The following MLXIP variants were observed in gnomAD, a reference collection of about 807,000 sequenced individuals.
The protein encoded by MLXIP is MLX interacting protein, also known as MLX-interacting protein.
A neutral mutation model predicts 87.2 loss-of-function variants in MLXIP; 30 were observed. That is an observed-to-expected ratio of 0.34 (90% CI 0.26 to 0.47). The LOEUF (loss-of-function observed/expected upper bound fraction) is 0.47, where lower values mean the gene tolerates loss of function less well. Among genes scored for constraint, MLXIP ranks in the 20% least tolerant of loss-of-function variants. The pLI, the probability that MLXIP is intolerant of heterozygous loss-of-function variation, is 1.00. For missense variants in MLXIP, 1,002 were observed against 1,240.1 expected, an observed-to-expected ratio of 0.81 and a Z score of 2.88; for synonymous variants, 530 against 514.0, an observed-to-expected ratio of 1.03 and a Z score of -0.42.
At chr12:122,086,433 A>G (rs147680859) in intron 1 of MLXIP, among the ~76,000 whole-genome samples, 88 of 152,236 alleles carry the variant, frequency 5.8e-4, no homozygotes, top group Non-Finnish European at 1.1e-3. Flanking sequence ...AGGTCTGTAA[A>G]GTGGATCCTT....
At position 122,141,881 on chromosome 12, in the gene MLXIP, GC is replaced by G. The variant is rs1565992705; in HGVS notation, c.*75del. 4 of 1,579,944 alleles carry G rather than the reference GC, an allele frequency of 2.5e-6. No homozygotes were observed. Among genetic ancestry groups the G allele is most frequent in the Admixed American group, 1.7e-5 (1 of 57,704 alleles). ...TCCCTGCCCATGGAGAGTAGGCTGC[GC>G]CCCCCAGCCCTTCCTGACGCTCAGC... On this transcript the variant is annotated 3_prime_UTR_variant, in exon 17 of 17. Coordinates refer to ENST00000319080, the MANE Select transcript of MLXIP (RefSeq NM_014938.6).
At chr12:122,138,761 G>T in intron 14 of MLXIP, 54 bp from the exon 15 acceptor site, 3 of 1,596,506 alleles carry the variant, frequency 1.9e-6, no homozygotes, top group Non-Finnish European at 2.6e-6. Context: ...TTTGTCCCAG[G>T]GTCCTTATTG....
chr12:122,083,549 G>A (rs1025356400), intron 1 of MLXIP, among the ~76,000 whole-genome samples: 1 of 152,074 alleles, frequency 6.6e-6, no homozygotes, highest in African/African-American at 2.4e-5. Context: ...CAAGTAGCAA[G>A]GATTACAGGC....
chr12:122,129,333 C>G (rs980377074), intron 4 of MLXIP, 107 bp downstream of exon 4: 12 of 1,060,134 alleles, frequency 1.1e-5, no homozygotes, highest in Non-Finnish European at 1.7e-5. Context: ...CCCACCTGAA[C>G]GTGGAGCGTC....
rs371247640 is a variant in MLXIP, at chr12:122,135,683, C to T, written c.2032+17C>T. 3.0e-4 allele frequency: 441 copies of T among 1,470,486 alleles called. 1 individual carries two copies. In the African/African-American group the frequency reaches 5.2e-3, roughly 17 times the overall value. 91.1% of individuals were successfully genotyped at this position (1,470,486 alleles called of 1,614,324 possible). A position where few individuals can be genotyped will look rare whatever the true frequency, so the allele number is the denominator to read the frequency against. On this transcript the variant is annotated intron_variant, in intron 11 of 16. Transcript: ENST00000319080. The surrounding 1 kb of genome is among the most constrained non-coding windows in gnomAD (Gnocchi z 5.3). ...CAGGGCCCAGTGAGTGTTCACTCGG[C>T]GGGATGGTTGGGGCATCGCAAGGGA...
chr12:122,111,023 G>A (rs2135941996), intron 1 of MLXIP, among the ~76,000 whole-genome samples: 1 of 147,946 alleles, frequency 6.8e-6, no homozygotes, highest in Non-Finnish European at 1.5e-5. Context: ...CTTGCAGTGA[G>A]CCGAGATGGC....
At position 122,129,968 on chromosome 12, in the gene MLXIP, C is replaced by A; in HGVS notation, c.766C>A (p.His256Asn). Residue 256 changes from histidine to asparagine, a missense_variant, in exon 6 of 17, where the codon CAC (histidine) becomes AAC (asparagine). Transcript: ENST00000319080. ...QDDDMLYWHK[H>N]GDGWKTPVPM... Reference sequence around the variant, plus strand: ...CGATGACATGCTGTATTGGCACAAGCACGGGGATGGATGGAAGACCCCCGT... The same window carrying A: ...CGATGACATGCTGTATTGGCACAAGAACGGGGATGGATGGAAGACCCCCGT... 6.2e-7 allele frequency: 1 copy of A among 1,613,742 alleles called. No individual in the cohort carries two copies. The highest frequency in any genetic ancestry group is 8.5e-7 in the Non-Finnish European group (1 of 1,179,738).
chr12:122,093,522 G>A (rs1952283421), intron 1 of MLXIP, among the ~76,000 whole-genome samples: 2 of 137,380 alleles, frequency 1.5e-5, no homozygotes, highest in South Asian at 5.1e-4. Context: ...TGTGTGTGGA[G>A]GGTGTGTGTG....
At chr12:122,113,437 T>C (rs1952634631) in intron 1 of MLXIP, among the ~76,000 whole-genome samples, 1 of 151,878 alleles carries the variant, frequency 6.6e-6, no homozygotes, top group Admixed American at 6.6e-5. Context: ...CTGGCTAATT[T>C]TTGTATCTTT....
At position 122,133,470 on chromosome 12, in the gene MLXIP, T is replaced by C; in HGVS notation, c.1215T>C (p.Thr405=). 6.2e-7 allele frequency: 1 copy of C among 1,613,322 alleles called. No individual in the cohort carries two copies. The highest frequency in any genetic ancestry group is 1.1e-5 in the South Asian group (1 of 91,054). ...AGGGCTGTGAACACACCTCCCGGAC[T>C]GAGGACCCGTTTATCCAGCCCACGG... ...DEQGCEHTSR[T]EDPFIQPTDF... is the part of the protein sequence containing the mutation. Residue 405 remains threonine (T), a synonymous_variant, in exon 9 of 17, where the codon ACT becomes ACC. Transcript: ENST00000319080. This position sits in a 1 kb window ranked among gnomAD's most constrained non-coding sequence, Gnocchi z 4.9.
chr12:122,114,894 C>T lies in MLXIP; in HGVS notation c.414-12362C>T, dbSNP rs568174150. Among the ~76,000 whole-genome samples the T allele has an allele frequency of 9.9e-5, 15 of 151,982 alleles. No individual in the cohort carries two copies. In the South Asian group the frequency reaches 1.9e-3, roughly 19 times the overall value. The stretch of plus-strand genomic sequence containing the variant: ...CTGAGTAGCTGGGATTACAGGTATG[C>T]GCCACTACTGCCCGGTTAATTTTTT... On this transcript the variant is annotated intron_variant, in intron 1 of 16. Coordinates refer to ENST00000319080, the MANE Select transcript of MLXIP (RefSeq NM_014938.6).
At chr12:122,102,846 A>G (rs964600182) in intron 1 of MLXIP, among the ~76,000 whole-genome samples, 1 of 152,254 alleles carries the variant, frequency 6.6e-6, no homozygotes. Flanking sequence ...TATGTGAAAT[A>G]TGAAACGTCC....
intron 1 of MLXIP, among the ~76,000 whole-genome samples, chr12:122,098,691 G>T (rs537882570): frequency 1.3e-5 from 2 of 152,320 alleles, no homozygotes; most frequent in East Asian, 3.9e-4. Flanking sequence ...GTAGAAATTA[G>T]GAGGGAAGGG....
intron 1 of MLXIP, among the ~76,000 whole-genome samples, chr12:122,115,588 CAAAAAAA>C (rs35318582): frequency 9.0e-6 from 1 of 110,738 alleles, no homozygotes. Flanking sequence ...AACTCCTTCT[CAAAAAAA>C]AAAAAAAAAA....
In MLXIP at chr12:122,140,961, T is replaced by G. The variant is rs148934300; in HGVS notation, c.2516T>G (p.Ile839Ser). 9.9e-4 allele frequency: 1,594 copies of G among 1,613,996 alleles called. 22 individuals carry two copies. In the African/African-American group the frequency reaches 0.018, roughly 18 times the overall value. The change falls in exon 16 of 17, where the codon ATC (isoleucine) becomes AGC (serine). Residue 839 changes from isoleucine to serine, a missense_variant. Transcript: ENST00000319080. ...TTTAACCACACACTGCAGTTCAGCA[T>G]CATCATCAAGCCGCTGTTTGAGTCG... ...LQNWKFWIFS[I>S]IIKPLFESFK...
chr12:122,121,629 A>G (rs4132934), intron 1 of MLXIP, among the ~76,000 whole-genome samples: 109,400 of 151,832 alleles, frequency 0.72, 39,852 homozygotes, highest in African/African-American at 0.83. Flanking sequence ...CGTCCCAGCC[A>G]GACCGAACAG....
rs12425165 is a variant in MLXIP at position 122,129,417 on chromosome 12, C to G, written c.697-171C>G. ...CTGCCTCGGTCAGGTTGTCTTTGCTCTCAGTTTCCCCATCTGTGCACTGGG... is the reference window on the plus strand; with the variant it reads ...CTGCCTCGGTCAGGTTGTCTTTGCTGTCAGTTTCCCCATCTGTGCACTGGG... On this transcript the variant is annotated intron_variant, in intron 4 of 16. Coordinates refer to ENST00000319080, the MANE Select transcript of MLXIP (RefSeq NM_014938.6). 1.3e-3 allele frequency: 543 copies of G among 408,746 alleles called. 7 individuals are homozygous for G. The East Asian group carries it at 0.025, about 19-fold the overall frequency. 25.3% of individuals were successfully genotyped at this position (408,746 alleles called of 1,614,324 possible). A position where few individuals can be genotyped will look rare whatever the true frequency, so the allele number is the denominator to read the frequency against.
At chr12:122,130,981 C>A in intron 7 of MLXIP, 48 bp downstream of exon 7, 1 of 1,246,804 alleles carries the variant, frequency 8.0e-7, no homozygotes, top group Non-Finnish European at 1.2e-6. Flanking sequence ...TCTCCCCCAG[C>A]CCAGCACAGA....
chr12:122,110,962 A>T (rs930392954), intron 1 of MLXIP, among the ~76,000 whole-genome samples: 6 of 151,424 alleles, frequency 4.0e-5, no homozygotes, highest in Non-Finnish European at 7.4e-5. Context: ...CTGTAGTCCC[A>T]GCTACTCAGG....
Sources: gnomAD v4.1 joint callset for allele counts (sites outside exome capture counted in the v4.1 genomes callset) on GRCh38, gnomAD v4.1.1 for gene constraint, Gnocchi (gnomAD v3.1) non-coding constraint, MANE v1.5 for transcripts, NCBI Gene and HGNC (gene_info 2026-07-23, HGNC 2026-07-21) for gene names.